ENOX1: variants seen among roughly 807,000 people sequenced by gnomAD.
ENOX1 encodes ecto-NOX disulfide-thiol exchanger 1.
A neutral mutation model predicts 82.5 loss-of-function variants in ENOX1; 42 were observed. That is an observed-to-expected ratio of 0.51 (90% CI 0.40 to 0.66). ENOX1 has a LOEUF of 0.66. Ranked by LOEUF, ENOX1 falls within the 30% of genes least tolerant of loss-of-function variation. The pLI, the probability that ENOX1 is intolerant of heterozygous loss-of-function variation, is 0.00. For synonymous variants in ENOX1, 271 were observed against 282.2 expected, an observed-to-expected ratio of 0.96 and a Z score of 0.40; for missense variants, 608 against 811.6, an observed-to-expected ratio of 0.75 and a Z score of 3.05.
intron 10 of ENOX1, among the ~76,000 whole-genome samples, 156 bp downstream of exon 10, chr13:43,326,262 AG>A (rs1316165783): frequency 6.6e-6 from 1 of 152,214 alleles, no homozygotes; most frequent in Non-Finnish European, 1.5e-5. Flanking sequence ...TTTCTGGACA[AG>A]GAACAAATCT....
intron 3 of ENOX1, among the ~76,000 whole-genome samples, chr13:43,427,816 C>T (rs2055413355): frequency 6.6e-6 from 1 of 152,154 alleles, no homozygotes; most frequent in African/African-American, 2.4e-5. Context: ...AAAACAACAA[C>T]TAGATTCTGG....
intron 2 of ENOX1, among the ~76,000 whole-genome samples, chr13:43,654,380 G>A (rs904613682): frequency 2.6e-5 from 4 of 152,110 alleles, no homozygotes; most frequent in Admixed American, 2.0e-4. Context: ...TACCAGCACC[G>A]CATTTGCATT....
chr13:43,282,511 G>A (rs188869936), intron 12 of ENOX1, among the ~76,000 whole-genome samples: 10 of 150,252 alleles, frequency 6.7e-5, no homozygotes, highest in East Asian at 5.9e-4. Context: ...GCAGTGGCTC[G>A]ACTGCAGCCT....
At position 43,361,269 on chromosome 13, in the gene ENOX1, C is replaced by T. The variant is rs1535580; in HGVS notation, c.382+10G>A. On this transcript the variant is annotated intron_variant, in intron 6 of 16. Coordinates refer to ENST00000690772, the MANE Select transcript of ENOX1 (RefSeq NM_001347969.2). ...AAAATGAGCAAATATTTCTCATAGGCGTTACTTACTTGGATTTTGAGGAAA... is the reference window on the plus strand; with the variant it reads ...AAAATGAGCAAATATTTCTCATAGGTGTTACTTACTTGGATTTTGAGGAAA... The T allele has an allele frequency of 0.55, 883,618 of 1,606,992 alleles. 245,674 individuals are homozygous for T. Among genetic ancestry groups the T allele is most frequent in the Middle Eastern group, 0.61 (3,717 of 6,046 alleles).
chr13:43,222,863 C>T (rs1342516523), intron 16 of ENOX1, among the ~76,000 whole-genome samples: 1 of 152,132 alleles, frequency 6.6e-6, no homozygotes, highest in Non-Finnish European at 1.5e-5. Flanking sequence ...CTTACCTGTG[C>T]ATGTGAGGGG....
chr13:43,320,454 G>A (rs569030191), intron 11 of ENOX1, among the ~76,000 whole-genome samples: 58 of 152,206 alleles, frequency 3.8e-4, no homozygotes, highest in African/African-American at 1.2e-3. Flanking sequence ...GGAATAAACC[G>A]AGAGAGGTGT....
chr13:43,375,344 A>G (rs1286869768), intron 5 of ENOX1, among the ~76,000 whole-genome samples: 7 of 152,180 alleles, frequency 4.6e-5, no homozygotes, highest in Non-Finnish European at 1.0e-4. Context: ...CAGCAGAACT[A>G]TGCCATTCTC....
intron 16 of ENOX1, among the ~76,000 whole-genome samples, chr13:43,221,929 A>C (rs1468414686): frequency 2.0e-5 from 3 of 152,106 alleles, no homozygotes. Context: ...CCTCACTGGA[A>C]TAGAAAGCAT....
chr13:43,224,011 TA>T, intron 16 of ENOX1, 41 bp downstream of exon 16: 1 of 1,504,220 alleles, frequency 6.6e-7, no homozygotes, highest in African/African-American at 1.4e-5. Flanking sequence ...ATCAACATGC[TA>T]AATTTGAGCA....
chr13:43,748,534 A>G (rs1288901796), intron 1 of ENOX1, among the ~76,000 whole-genome samples: 5 of 152,202 alleles, frequency 3.3e-5, no homozygotes, highest in East Asian at 1.9e-4. Context: ...AGTTAAAAAC[A>G]TAAGTATTTC....
At chr13:43,270,253 G>A (rs1593628909) in intron 12 of ENOX1, among the ~76,000 whole-genome samples, 2 of 152,236 alleles carry the variant, frequency 1.3e-5, no homozygotes, top group Admixed American at 6.5e-5. Context: ...ACAGCGCTGC[G>A]CAGTGCGAAT....
At chr13:43,715,817 T>A (rs1167010054) in intron 1 of ENOX1, among the ~76,000 whole-genome samples, 1 of 152,222 alleles carries the variant, frequency 6.6e-6, no homozygotes, top group Non-Finnish European at 1.5e-5. Flanking sequence ...TTCAGCTCCA[T>A]CAGCTCCTTT....
intron 1 of ENOX1, among the ~76,000 whole-genome samples, chr13:43,741,445 A>G (rs938239315): frequency 1.3e-5 from 2 of 152,076 alleles, no homozygotes; most frequent in African/African-American, 2.4e-5. Flanking sequence ...CCTCAACAAC[A>G]CCTGTTATTA....
chr13:43,715,215 C>G (rs2088029713), intron 1 of ENOX1, among the ~76,000 whole-genome samples: 1 of 152,198 alleles, frequency 6.6e-6, no homozygotes, highest in Non-Finnish European at 1.5e-5. Context: ...AAGTTCTTTT[C>G]TTTAAGAATG....
chr13:43,498,170 C>T (rs1180887738), intron 2 of ENOX1, among the ~76,000 whole-genome samples: 1 of 152,042 alleles, frequency 6.6e-6, no homozygotes, highest in African/African-American at 2.4e-5. Flanking sequence ...CATGTGTTTT[C>T]AGTCATCTTT....
chr13:43,433,770 T>G (rs2055831977), intron 3 of ENOX1, among the ~76,000 whole-genome samples: 1 of 152,216 alleles, frequency 6.6e-6, no homozygotes. Context: ...CAACATTCCC[T>G]GCTGGAACGC....
At chr13:43,297,842 C>T (rs1455909380) in intron 12 of ENOX1, among the ~76,000 whole-genome samples, 1 of 148,676 alleles carries the variant, frequency 6.7e-6, no homozygotes, top group East Asian at 1.9e-4. Flanking sequence ...TTCATGTATT[C>T]CATCAACAAA....
intron 11 of ENOX1, among the ~76,000 whole-genome samples, chr13:43,302,676 G>C (rs1325871146): frequency 6.6e-6 from 1 of 152,106 alleles, no homozygotes; most frequent in Admixed American, 6.5e-5. Context: ...TTCTTTACTA[G>C]ATTCTATATA....
At chr13:43,739,319 G>A (rs968204569) in intron 1 of ENOX1, among the ~76,000 whole-genome samples, 4 of 152,026 alleles carry the variant, frequency 2.6e-5, no homozygotes, top group East Asian at 1.9e-4. Context: ...AGGCCAAGTC[G>A]GGCAGATTGC....
Sources: allele counts gnomAD v4.1 joint callset (sites outside exome capture counted in the v4.1 genomes callset), GRCh38; gene constraint gnomAD v4.1.1; transcripts MANE v1.5; gene names NCBI Gene and HGNC (gene_info 2026-07-23, HGNC 2026-07-21).